WDR44: variants seen among roughly 807,000 people sequenced by gnomAD.
WDR44 encodes the protein WD repeat domain 44.
Under a neutral mutation model 65.7 loss-of-function variants are expected in WDR44, and 9 were observed. The observed-to-expected ratio is 0.14, with a 90% CI of 0.08 to 0.24. The LOEUF is 0.24. WDR44 is among the 10% of genes least tolerant of loss of function. The probability of loss-of-function intolerance (pLI) is 1.00; values close to 1 mark genes in which losing one functional copy is unlikely to be tolerated. For missense variants in WDR44, 425 were observed against 670.9 expected (o/e 0.63, Z 4.05); for synonymous variants, 220 against 235.2 (o/e 0.94, Z 0.59).
At chrX:118,419,022 C>T (rs781282976) in intron 12 of WDR44, among the ~76,000 whole-genome samples, 3 of 111,249 alleles carry the variant, frequency 2.7e-5, no homozygotes, top group Non-Finnish European at 5.7e-5. Context: ...GGGCCAGTCT[C>T]ACTCCCACCA....
At chrX:118,349,074 A>C (rs999326819) in intron 1 of WDR44, among the ~76,000 whole-genome samples, 1 of 112,003 alleles carries the variant, frequency 8.9e-6, no homozygotes, top group African/African-American at 3.2e-5. Flanking sequence ...CTTTGAAAGC[A>C]AATTTAATAA....
intron 6 of WDR44, among the ~76,000 whole-genome samples, chrX:118,396,614 A>T (rs1036250429): frequency 8.9e-6 from 1 of 112,066 alleles, no homozygotes; most frequent in Non-Finnish European, 1.9e-5. Flanking sequence ...GGAATAGGCA[A>T]ATCTATAGAG....
At chrX:118,378,541 C>CT (rs1302721694) in intron 2 of WDR44, 89 bp downstream of exon 2, 44 of 910,262 alleles carry the variant, frequency 4.8e-5, no homozygotes, top group South Asian at 6.7e-5. Flanking sequence ...CTTGCTTTTG[C>CT]TTTTTTTTAC....
At chrX:118,423,544 C>T (rs1392136856) in intron 12 of WDR44, among the ~76,000 whole-genome samples, 1 of 111,980 alleles carries the variant, frequency 8.9e-6, no homozygotes, top group Non-Finnish European at 1.9e-5. Flanking sequence ...TTATATAGAA[C>T]TTAATGAGTT....
chrX:118,447,435 G>C (rs767612885), intron 19 of WDR44, among the ~76,000 whole-genome samples: 5 of 111,468 alleles, frequency 4.5e-5, no homozygotes, highest in Non-Finnish European at 9.4e-5. Flanking sequence ...TGTAGTCTAA[G>C]AATAAGCTCT....
intron 1 of WDR44, among the ~76,000 whole-genome samples, chrX:118,368,627 A>G (rs1162068471): frequency 1.9e-5 from 2 of 105,498 alleles, no homozygotes; most frequent in East Asian, 6.0e-4. Flanking sequence ...ATCACAGGGC[A>G]GCTAGAGGGG....
At chrX:118,404,263 C>A in intron 8 of WDR44, 75 bp from the exon 9 acceptor site, 1 of 725,125 alleles carries the variant, frequency 1.4e-6, no homozygotes, top group Non-Finnish European at 2.1e-6. Flanking sequence ...TTATCAGTCA[C>A]AGCTGATACA....
intron 8 of WDR44, among the ~76,000 whole-genome samples, chrX:118,400,131 G>A (rs2056899003): frequency 9.1e-6 from 1 of 109,439 alleles, no homozygotes; most frequent in Non-Finnish European, 1.9e-5. Context: ...CACAATCATT[G>A]TACCACAGTG....
chrX:118,410,562 C>T (rs1232154019), intron 11 of WDR44, among the ~76,000 whole-genome samples: 1 of 111,570 alleles, frequency 9.0e-6, no homozygotes, highest in African/African-American at 3.3e-5. Context: ...TTGAGACTAA[C>T]CCCAGCCCTG....
chrX:118,446,067 A>G (rs959122849), intron 19 of WDR44, among the ~76,000 whole-genome samples: 5 of 107,871 alleles, frequency 4.6e-5, no homozygotes, highest in African/African-American at 1.7e-4. Flanking sequence ...CAAGGTGAGC[A>G]GATTGCTTGA....
intron 1 of WDR44, among the ~76,000 whole-genome samples, chrX:118,358,636 T>C (rs1244136448): frequency 3.6e-5 from 4 of 111,148 alleles, no homozygotes; most frequent in African/African-American, 1.3e-4. Context: ...ACCCAGGAGG[T>C]GGAGATTGCA....
intron 3 of WDR44, 101 bp downstream of exon 3, chrX:118,387,515 A>G: frequency 1.3e-5 from 6 of 446,967 alleles, no homozygotes; most frequent in Non-Finnish European, 2.1e-5. Context: ...CGCTCTGTAC[A>G]TGGCTGATGT....
intron 14 of WDR44, among the ~76,000 whole-genome samples, chrX:118,439,351 G>A (rs1282224662): frequency 5.5e-5 from 6 of 108,456 alleles, no homozygotes; most frequent in Non-Finnish European, 1.1e-4. Context: ...CGAGGCGGGT[G>A]GATCACCTGA....
intron 1 of WDR44, 107 bp downstream of exon 1, chrX:118,346,687 T>G: frequency 1.6e-6 from 1 of 609,120 alleles, no homozygotes; most frequent in Non-Finnish European, 2.5e-6. Flanking sequence ...GCCACCGCTG[T>G]TCCTCCCCGT....
chrX:118,408,751 A>G (rs931805939), intron 10 of WDR44, among the ~76,000 whole-genome samples: 2 of 111,673 alleles, frequency 1.8e-5, no homozygotes, highest in African/African-American at 6.5e-5. Flanking sequence ...GGTCACTGCC[A>G]AGGTGGGCTT....
At chrX:118,375,666 A>G (rs2056653378) in intron 1 of WDR44, among the ~76,000 whole-genome samples, 1 of 111,657 alleles carries the variant, frequency 9.0e-6, no homozygotes, top group Non-Finnish European at 1.9e-5. Flanking sequence ...TAACTAATCA[A>G]CTCTAGATAA....
At chrX:118,396,821 A>G in intron 6 of WDR44, 149 bp from the exon 7 acceptor site, 2 of 519,709 alleles carry the variant, frequency 3.8e-6, no homozygotes, top group South Asian at 1.3e-4. Context: ...TGTGAATTAT[A>G]TCTCAATAAA....
At position 118,394,584 on chromosome X, in the gene WDR44, C is replaced by T. The variant is rs771654552; in HGVS notation, c.957+399C>T. 5.5e-5 allele frequency among the ~76,000 whole-genome samples: 6 copies of T among 109,282 alleles called. No individual in the cohort carries two copies. In the Admixed American group the frequency reaches 5.9e-4, roughly 11 times the overall value. 94.9% of individuals were successfully genotyped at this position (109,282 alleles called of 115,157 possible). A position where few individuals can be genotyped will look rare whatever the true frequency, so the allele number is the denominator to read the frequency against. ...TGAAGACTTTTTTTTTTTATAATTT[C>T]CTTTTCCTAATCATAGAAAAACTTT... is the stretch of plus-strand genomic sequence containing the variant. On this transcript the variant is annotated intron_variant, in intron 5 of 19. Coordinates refer to ENST00000254029, the MANE Select transcript of WDR44 (RefSeq NM_019045.5).
At chrX:118,365,132 T>C (rs1252231948) in intron 1 of WDR44, among the ~76,000 whole-genome samples, 1 of 111,930 alleles carries the variant, frequency 8.9e-6, no homozygotes, top group Admixed American at 9.6e-5. Flanking sequence ...GAACTTACCA[T>C]TCCCCTTGCT....
Sources: allele counts gnomAD v4.1 joint callset (sites outside exome capture counted in the v4.1 genomes callset), GRCh38; gene constraint gnomAD v4.1.1; transcripts MANE v1.5; gene names NCBI Gene and HGNC (gene_info 2026-07-23, HGNC 2026-07-21).